The following RIPOR2 variants were observed in gnomAD, a reference collection of about 807,000 sequenced individuals.
The protein encoded by RIPOR2 is RHO family interacting cell polarization regulator 2.
A neutral mutation model predicts 114.5 loss-of-function variants in RIPOR2; 39 were observed. That is an observed-to-expected ratio of 0.34 (90% CI 0.26 to 0.44). The LOEUF (loss-of-function observed/expected upper bound fraction) is 0.44. RIPOR2 is among the 20% of genes least tolerant of loss of function. RIPOR2 has a pLI of 1.00. For missense variants in RIPOR2, 1,007 were observed against 1,255.1 expected, an observed-to-expected ratio of 0.80 and a Z score of 2.99; for synonymous variants, 445 against 484.4, an observed-to-expected ratio of 0.92 and a Z score of 1.07.
At chr6:24,845,946 A>G (rs1300435487) in intron 12 of RIPOR2, among the ~76,000 whole-genome samples, 1 of 152,142 alleles carries the variant, frequency 6.6e-6, no homozygotes, top group African/African-American at 2.4e-5. Context: ...CCAGCAGAGG[A>G]TAGAGAGTGA....
At chr6:24,865,211 G>C (rs565400307) in intron 7 of RIPOR2, 90 bp downstream of exon 7, 5 of 1,088,058 alleles carry the variant, frequency 4.6e-6, no homozygotes, top group South Asian at 1.7e-5. Context: ...TGAGGTTGTG[G>C]GTTGCTGTTT....
intron 1 of RIPOR2, among the ~76,000 whole-genome samples, chr6:24,917,654 C>G (rs764647763): frequency 8.5e-5 from 13 of 152,094 alleles, no homozygotes; most frequent in Admixed American, 8.5e-4. Flanking sequence ...CTCAGCCTCC[C>G]GTGTAGCTGG....
At chr6:24,991,250 A>G (rs527906085) in intron 1 of RIPOR2, among the ~76,000 whole-genome samples, 1 of 152,160 alleles carries the variant, frequency 6.6e-6, no homozygotes, top group Non-Finnish European at 1.5e-5. Flanking sequence ...AACTTTGTAC[A>G]CTGTAGGATT....
chr6:25,027,373 A>C (rs1169331926), intron 1 of RIPOR2, among the ~76,000 whole-genome samples: 1 of 152,178 alleles, frequency 6.6e-6, no homozygotes, highest in Non-Finnish European at 1.5e-5. Context: ...GTGAAGTACA[A>C]ACCCATCCCC....
chr6:24,852,115 AG>A (rs1431645057), intron 9 of RIPOR2, among the ~76,000 whole-genome samples: 3 of 152,038 alleles, frequency 2.0e-5, no homozygotes, highest in African/African-American at 7.2e-5. Context: ...CAAAAAAATT[AG>A]CCGGCTGTGG....
At chr6:24,885,486 A>T (rs923329962) in intron 1 of RIPOR2, among the ~76,000 whole-genome samples, 1 of 152,170 alleles carries the variant, frequency 6.6e-6, no homozygotes, top group Admixed American at 6.5e-5. Context: ...GGCCTCCCAA[A>T]GTGCTGGAAT....
chr6:24,870,729 G>A, intron 5 of RIPOR2, 137 bp downstream of exon 5: 1 of 597,428 alleles, frequency 1.7e-6, no homozygotes, highest in East Asian at 3.0e-5. Context: ...GCCCAGGCAG[G>A]TCTCAAACTC....
chr6:25,013,466 G>A (rs923556781), intron 1 of RIPOR2, among the ~76,000 whole-genome samples: 2 of 152,220 alleles, frequency 1.3e-5, no homozygotes, highest in African/African-American at 2.4e-5. Flanking sequence ...TGAAGGGGGA[G>A]CACCTGCTTT....
intron 1 of RIPOR2, among the ~76,000 whole-genome samples, chr6:24,983,756 C>CAAAAAAAAAAAAAAAAA (rs34480037): frequency 2.1e-5 from 1 of 47,180 alleles, no homozygotes; most frequent in Non-Finnish European, 3.5e-5. Context: ...GACTGTGTCT[C>CAAAAAAAAAAAAAAAAA]AAAAAAAAAA....
chr6:24,968,392 C>T (rs1227735248), intron 1 of RIPOR2, among the ~76,000 whole-genome samples: 7 of 152,172 alleles, frequency 4.6e-5, no homozygotes, highest in Non-Finnish European at 8.8e-5. Flanking sequence ...TCTACATTCA[C>T]TCCTGCTGGT....
At chr6:24,944,533 A>T (rs1772310019) in intron 1 of RIPOR2, among the ~76,000 whole-genome samples, 1 of 152,222 alleles carries the variant, frequency 6.6e-6, no homozygotes, top group African/African-American at 2.4e-5. Flanking sequence ...AATTTTAAAC[A>T]TCCCGTTTTC....
intron 13 of RIPOR2, among the ~76,000 whole-genome samples, chr6:24,841,100 C>T (rs1761673499): frequency 6.6e-6 from 1 of 152,198 alleles, no homozygotes; most frequent in South Asian, 2.1e-4. Context: ...AAAGAAGTCT[C>T]TGATCACCAG....
At chr6:25,021,778 C>G (rs1454725144) in intron 1 of RIPOR2, among the ~76,000 whole-genome samples, 1 of 152,046 alleles carries the variant, frequency 6.6e-6, no homozygotes, top group Non-Finnish European at 1.5e-5. Flanking sequence ...CCCAAAAAAC[C>G]TATAGAATTA....
Position 24,842,990 on chromosome 6 carries a change from A to G in RIPOR2, c.1729T>C (p.Ser577Pro). The change falls in exon 13 of 22, where the codon TCC (serine) becomes CCC (proline). Residue 577 changes from serine to proline, a missense_variant. Coordinates refer to ENST00000643898, the MANE Select transcript of RIPOR2 (RefSeq NM_001286445.3). ...SVGGESEGCRSFLDGSLEDAF... is the reference protein window; with the variant it reads ...SVGGESEGCRPFLDGSLEDAF... ...TCCTCTAAGCTTCCATCTAGAAAGG[A>G]TCTGCAGCCTTCAGATTCTCCACCA... is the stretch of plus-strand genomic sequence containing the variant. 1 of 1,583,964 alleles carries G rather than the reference A, an allele frequency of 6.3e-7. No individual in the cohort carries two copies. The highest frequency in any genetic ancestry group is 2.2e-5 in the East Asian group (1 of 44,530).
At chr6:24,928,329 TA>T (rs372496500) in intron 1 of RIPOR2, among the ~76,000 whole-genome samples, 24 of 152,224 alleles carry the variant, frequency 1.6e-4, no homozygotes, top group African/African-American at 5.8e-4. Context: ...GTCTTTGGTA[TA>T]TTTTTTTAAA....
At position 24,980,365 on chromosome 6, in the gene RIPOR2, A is replaced by G. The variant is rs6922848; in HGVS notation, c.76+61486T>C. On this transcript the variant is annotated intron_variant, in intron 1 of 13. Transcript: ENST00000510784. Reference sequence around the variant, plus strand: ...TTGGACATCTATATTTTCCCATATCACCAAGAGGGAGTGAAATCAAGACAC... The same window carrying G: ...TTGGACATCTATATTTTCCCATATCGCCAAGAGGGAGTGAAATCAAGACAC... 2.1e-3 allele frequency among the ~76,000 whole-genome samples: 318 copies of G among 152,336 alleles called. 1 individual carries two copies. The highest frequency in any genetic ancestry group is 7.4e-3 in the African/African-American group (307 of 41,582).
At chr6:24,830,403 C>T (rs1760571539) in intron 17 of RIPOR2, 106 bp downstream of exon 17, 1 of 861,774 alleles carries the variant, frequency 1.2e-6, no homozygotes, top group African/African-American at 1.7e-5. Flanking sequence ...TTGTGTGTTT[C>T]CCATCTGCAG....
chr6:24,922,529 T>G (rs1320178831), intron 1 of RIPOR2, among the ~76,000 whole-genome samples: 1 of 152,178 alleles, frequency 6.6e-6, no homozygotes, highest in Admixed American at 6.5e-5. Flanking sequence ...CTTTCCTGTT[T>G]TTTTTTGTAC....
intron 1 of RIPOR2, among the ~76,000 whole-genome samples, chr6:25,031,698 GTTATAT>G (rs1488656058): frequency 0.014 from 664 of 47,982 alleles, 24 homozygotes; most frequent in African/African-American, 0.041. Flanking sequence ...GTAGGTGGTA[GTTATAT>G]ATATATATAT....
Sources: allele counts gnomAD v4.1 joint callset (sites outside exome capture counted in the v4.1 genomes callset), GRCh38; gene constraint gnomAD v4.1.1; transcripts MANE v1.5; gene names NCBI Gene and HGNC (gene_info 2026-07-23, HGNC 2026-07-21).